The following SPAG16 variants were observed in gnomAD, a reference collection of about 807,000 sequenced individuals.
The protein encoded by SPAG16 is sperm-associated antigen 16 protein.
In SPAG16, 86 loss-of-function variants were observed where a neutral mutation model predicts 80.4. The ratio of observed to expected loss-of-function variants is 1.07; its 90% CI spans 0.90 to 1.28. The LOEUF is 1.28. Ranked by LOEUF, SPAG16 falls within the 50% of genes most tolerant of loss-of-function variation. The probability of loss-of-function intolerance (pLI) is 0.00; values close to 1 mark genes in which losing one functional copy is unlikely to be tolerated. For synonymous variants in SPAG16, 294 were observed against 265.9 expected (o/e 1.11, Z -1.03); for missense variants, 870 against 765.3 (o/e 1.14, Z -1.61).
At chr2:213,284,733 G>A in intron 1 of SPAG16, 114 bp downstream of exon 1, 1 of 1,394,978 alleles carries the variant, frequency 7.2e-7, no homozygotes. Flanking sequence ...CTCCGGAGGA[G>A]CCTCTGTTGG....
At chr2:214,118,764 A>G (rs1261949369) in intron 14 of SPAG16, among the ~76,000 whole-genome samples, 1 of 149,670 alleles carries the variant, frequency 6.7e-6, no homozygotes, top group African/African-American at 2.4e-5. Flanking sequence ...GCCAAACCAT[A>G]TCAATGTCCA....
chr2:213,994,032 C>G (rs2046400843), intron 12 of SPAG16, among the ~76,000 whole-genome samples: 2 of 151,902 alleles, frequency 1.3e-5, no homozygotes, highest in South Asian at 4.2e-4. Flanking sequence ...TCTAACAGAT[C>G]GATTTGTGAT....
Position 214,393,468 on chromosome 2 carries a change from C to A in SPAG16, c.1721-16672C>A, listed in dbSNP as rs180743686. ...GGCAAGATATTTATTTAAGTATGTA[C>A]TCAATGGAAATTAGTATTTTCAGGT... On this transcript the variant is annotated intron_variant, in intron 15 of 15. Transcript: ENST00000331683. 1.3e-5 allele frequency among the ~76,000 whole-genome samples: 2 copies of A among 151,666 alleles called. 1 individual carries two copies. The highest frequency in any genetic ancestry group is 2.9e-5 in the Non-Finnish European group (2 of 67,954).
rs565155469 is a variant in SPAG16 at position 214,218,018 on chromosome 2, A to G, written c.1720+68752A>G. 3.3e-4 allele frequency among the ~76,000 whole-genome samples: 51 copies of G among 152,264 alleles called. No homozygotes were observed. In the Middle Eastern group the frequency reaches 0.02, roughly 61 times the overall value. ...TTAGGTTAATGCATATTTTTTTTCAATATGTATAATAAACTCACTACATCC... is the reference window on the plus strand; with the variant it reads ...TTAGGTTAATGCATATTTTTTTTCAGTATGTATAATAAACTCACTACATCC... On this transcript the variant is annotated intron_variant, in intron 15 of 15. Coordinates refer to ENST00000331683, the MANE Select transcript of SPAG16 (RefSeq NM_024532.5).
intron 15 of SPAG16, among the ~76,000 whole-genome samples, chr2:214,343,055 T>C (rs1227589426): frequency 6.6e-6 from 1 of 152,048 alleles, no homozygotes; most frequent in Non-Finnish European, 1.5e-5. Flanking sequence ...GTCTTTAAAA[T>C]GTACATGTTA....
At chr2:214,015,897 T>C (rs970900851) in intron 13 of SPAG16, among the ~76,000 whole-genome samples, 1 of 152,108 alleles carries the variant, frequency 6.6e-6, no homozygotes, top group African/African-American at 2.4e-5. Flanking sequence ...TAACAGGCTA[T>C]GAGTGGATGA....
chr2:213,640,532 C>T (rs1406959251), intron 10 of SPAG16, among the ~76,000 whole-genome samples: 3 of 152,280 alleles, frequency 2.0e-5, no homozygotes, highest in South Asian at 2.1e-4. Flanking sequence ...GGTCTAGCCA[C>T]CCAGTGGGGC....
intron 14 of SPAG16, among the ~76,000 whole-genome samples, chr2:214,120,531 AT>A (rs1312539284): frequency 6.6e-6 from 1 of 151,802 alleles, no homozygotes; most frequent in Non-Finnish European, 1.5e-5. Context: ...CTGCACTAGC[AT>A]TTTCACCTCA....
chr2:213,615,914 G>A lies in SPAG16; in HGVS notation c.1070+125824G>A, dbSNP rs778175844. ...TTTTGGGGGTGGGGGCAAGGGGAGG[G>A]ATAGCATTAGGACAAATACCTAATG... On this transcript the variant is annotated intron_variant, in intron 10 of 15. Coordinates refer to ENST00000331683, the MANE Select transcript of SPAG16 (RefSeq NM_024532.5). Among the ~76,000 whole-genome samples the A allele has an allele frequency of 5.9e-4, 90 of 152,178 alleles. 2 individuals carry two copies. The highest frequency in any genetic ancestry group is 8.1e-4 in the Non-Finnish European group (55 of 68,002).
intron 15 of SPAG16, among the ~76,000 whole-genome samples, chr2:214,159,339 G>GT (rs1288213854): frequency 6.6e-6 from 1 of 151,928 alleles, no homozygotes; most frequent in Non-Finnish European, 1.5e-5. Context: ...AAAATCAAGA[G>GT]TTAAAATTTG....
chr2:213,776,831 C>CCCA (rs1553628616), intron 10 of SPAG16, among the ~76,000 whole-genome samples: 3 of 118,834 alleles, frequency 2.5e-5, no homozygotes, highest in African/African-American at 9.5e-5. Context: ...ATGCCACCCC[C>CCCA]CCCCCACCCC....
chr2:213,524,881 G>T (rs2075828305), intron 10 of SPAG16, among the ~76,000 whole-genome samples: 1 of 152,170 alleles, frequency 6.6e-6, no homozygotes, highest in South Asian at 2.1e-4. Context: ...AATTAGTTAA[G>T]ACTTTTGGGG....
chr2:214,396,701 G>C (rs1310581508), intron 15 of SPAG16, among the ~76,000 whole-genome samples: 2 of 151,790 alleles, frequency 1.3e-5, no homozygotes, highest in Non-Finnish European at 2.9e-5. Flanking sequence ...AAATAGTATG[G>C]TTTCTCAAAA....
chr2:213,763,800 C>T (rs1431116470), intron 10 of SPAG16, among the ~76,000 whole-genome samples: 2 of 152,262 alleles, frequency 1.3e-5, no homozygotes, highest in East Asian at 3.9e-4. Context: ...GTCTTGCTCT[C>T]ATCCTTATGA....
intron 10 of SPAG16, among the ~76,000 whole-genome samples, chr2:213,593,300 A>G (rs2060771687): frequency 6.6e-6 from 1 of 152,152 alleles, no homozygotes; most frequent in Non-Finnish European, 1.5e-5. Flanking sequence ...GAACCTGACT[A>G]GATCCTGCAT....
intron 1 of SPAG16, among the ~76,000 whole-genome samples, chr2:213,285,610 C>T (rs541192544): frequency 1.4e-4 from 22 of 152,266 alleles, no homozygotes; most frequent in Admixed American, 1.4e-3. Context: ...TTTGACAAGC[C>T]GATTAACCTG....
chr2:213,734,967 A>T (rs942888913), intron 10 of SPAG16, among the ~76,000 whole-genome samples: 14 of 151,462 alleles, frequency 9.2e-5, no homozygotes, highest in African/African-American at 3.2e-4. Context: ...CTTTCTAGAT[A>T]TTTTTTTTTC....
At chr2:213,967,568 A>T (rs1302755468) in intron 12 of SPAG16, among the ~76,000 whole-genome samples, 1 of 152,206 alleles carries the variant, frequency 6.6e-6, no homozygotes. Context: ...TAAAGAGCTC[A>T]ATACAGAAAA....
At chr2:213,695,068 C>T (rs1172454231) in intron 10 of SPAG16, among the ~76,000 whole-genome samples, 1 of 152,120 alleles carries the variant, frequency 6.6e-6, no homozygotes, top group Non-Finnish European at 1.5e-5. Context: ...CCCTCCACTA[C>T]TGGAGGTTGA....
Sources: gnomAD v4.1 joint callset for allele counts (sites outside exome capture counted in the v4.1 genomes callset) on GRCh38, gnomAD v4.1.1 for gene constraint, MANE v1.5 for transcripts, NCBI Gene and HGNC (gene_info 2026-07-23, HGNC 2026-07-21) for gene names.